BCAS3: variants seen among roughly 807,000 people sequenced by gnomAD.
The protein encoded by BCAS3 is BCAS4/BCAS3 fusion.
A neutral mutation model predicts 116.1 loss-of-function variants in BCAS3; 53 were observed. That is an observed-to-expected ratio of 0.46 (90% CI 0.37 to 0.57). BCAS3 has a LOEUF of 0.57. BCAS3 is among the 20% of genes least tolerant of loss of function. BCAS3 has a pLI of 0.00. For synonymous variants in BCAS3, 391 were observed against 408.2 expected (o/e 0.96, Z 0.51); for missense variants, 917 against 1,165.4 (o/e 0.79, Z 3.10).
rs1044817630 is a variant in BCAS3, at chr17:61,203,917, G to A, written c.2425+119353G>A. 6.6e-6 allele frequency among the ~76,000 whole-genome samples: 1 copy of A among 152,204 alleles called. No homozygotes were observed. The highest frequency in any genetic ancestry group is 1.5e-5 in the Non-Finnish European group (1 of 68,038). On this transcript the variant is annotated intron_variant, in intron 22 of 23. Coordinates refer to ENST00000407086, the MANE Select transcript of BCAS3 (RefSeq NM_017679.5). The surrounding 1 kb of genome is among the most constrained non-coding windows in gnomAD (Gnocchi z 5.7). ...GTGACAGAGGCAAAGGGCAGAGAAT[G>A]GAACCAAGAGATCATTCAAAATGGG...
intron 6 of BCAS3, among the ~76,000 whole-genome samples, chr17:60,779,955 AAAATATTC>A: frequency 1.3e-5 from 2 of 152,096 alleles, no homozygotes; most frequent in East Asian, 3.9e-4. Context: ...TATTTTTGGG[AAAATATTC>A]AAATATCTAA....
chr17:61,252,278 G>A (rs191612132), intron 22 of BCAS3, among the ~76,000 whole-genome samples: 20 of 152,330 alleles, frequency 1.3e-4, no homozygotes, highest in African/African-American at 4.8e-4. Context: ...AAAGCAATGT[G>A]GTAAGATTGT....
intron 14 of BCAS3, among the ~76,000 whole-genome samples, chr17:60,977,691 C>T (rs1229395327): frequency 6.7e-6 from 1 of 149,908 alleles, no homozygotes; most frequent in Non-Finnish European, 1.5e-5. Context: ...TGTGATGTTC[C>T]CCTTCCTGTG....
At chr17:60,807,376 A>G (rs910790825) in intron 6 of BCAS3, among the ~76,000 whole-genome samples, 2 of 152,190 alleles carry the variant, frequency 1.3e-5, no homozygotes, top group African/African-American at 2.4e-5. Flanking sequence ...TAGTTTCGAC[A>G]TCAATATTAT....
At position 61,388,691 on chromosome 17, in the gene BCAS3, C is replaced by A; in HGVS notation, c.2594-3286C>A. 1 of 1,550,302 alleles carries A rather than the reference C, an allele frequency of 6.5e-7. No homozygotes were observed. The highest frequency in any genetic ancestry group is 8.7e-7 in the Non-Finnish European group (1 of 1,155,712). On this transcript the variant is annotated intron_variant, in intron 23 of 23. Coordinates refer to ENST00000407086, the MANE Select transcript of BCAS3 (RefSeq NM_017679.5). This position sits in a 1 kb window ranked among gnomAD's most constrained non-coding sequence, Gnocchi z 6.5. Reference sequence around the variant, plus strand: ...AGCAACCCAACAGTAACAAAGCATGCGTTCGGGATGGAGGAAGGTAAGGCC... The same window carrying A: ...AGCAACCCAACAGTAACAAAGCATGAGTTCGGGATGGAGGAAGGTAAGGCC...
In BCAS3 at chr17:60,726,961, G is replaced by A. The variant is rs1454000894; in HGVS notation, c.321+17636G>A. ...TATCCTGTCAATTTTACTAGTTAGT[G>A]TTAGTCTTATTTTACACTTGAAAAA... On this transcript the variant is annotated intron_variant, in intron 5 of 23. Transcript: ENST00000407086. Among the ~76,000 whole-genome samples, 3 of 151,970 alleles carry A rather than the reference G, an allele frequency of 2.0e-5. No homozygotes were observed. The East Asian group carries it at 5.8e-4, about 29-fold the overall frequency.
At chr17:60,936,297 T>A in intron 13 of BCAS3, among the ~76,000 whole-genome samples, 1 of 148,222 alleles carries the variant, frequency 6.7e-6, no homozygotes, top group East Asian at 1.9e-4. Flanking sequence ...TTTGCTATTG[T>A]GAATAGTGCC....
chr17:60,970,775 GATGA>G (rs2061915746), intron 14 of BCAS3, among the ~76,000 whole-genome samples: 1 of 152,040 alleles, frequency 6.6e-6, no homozygotes, highest in African/African-American at 2.4e-5. Context: ...GAATTAATAG[GATGA>G]ATAATTCTAC....
At chr17:60,836,081 C>G (rs1375353255) in intron 7 of BCAS3, among the ~76,000 whole-genome samples, 1 of 152,016 alleles carries the variant, frequency 6.6e-6, no homozygotes, top group Non-Finnish European at 1.5e-5. Flanking sequence ...ACAGAAAGTT[C>G]CCACATATCT....
chr17:61,251,880 C>T lies in BCAS3; in HGVS notation c.2426-116447C>T, dbSNP rs1416456852. On this transcript the variant is annotated intron_variant, in intron 22 of 23. Coordinates refer to ENST00000407086, the MANE Select transcript of BCAS3 (RefSeq NM_017679.5). The surrounding 1 kb of genome is among the most constrained non-coding windows in gnomAD (Gnocchi z 4.7). ...TAGTGAGGTGGAGGTTGTAAAGAAG[C>T]TCTTTATAATGAAGATCCCAAATAT... is the stretch of plus-strand genomic sequence containing the variant. 6.6e-6 allele frequency among the ~76,000 whole-genome samples: 1 copy of T among 152,162 alleles called. No individual in the cohort carries two copies. The highest frequency in any genetic ancestry group is 1.5e-5 in the Non-Finnish European group (1 of 68,018).
intron 22 of BCAS3, among the ~76,000 whole-genome samples, chr17:61,284,754 C>G (rs1446285292): frequency 6.6e-6 from 1 of 151,820 alleles, no homozygotes; most frequent in East Asian, 1.9e-4. Flanking sequence ...AAGGCCATGC[C>G]AGTTGTTGCA....
chr17:61,038,127 T>C, intron 18 of BCAS3, 73 bp downstream of exon 18: 1 of 1,421,652 alleles, frequency 7.0e-7, no homozygotes, highest in South Asian at 1.4e-5. Flanking sequence ...TATAATTTGA[T>C]AAGTTTTGAC....
intron 22 of BCAS3, among the ~76,000 whole-genome samples, chr17:61,291,139 A>G (rs2052369667): frequency 6.6e-6 from 1 of 152,140 alleles, no homozygotes; most frequent in Non-Finnish European, 1.5e-5. Context: ...TTAGGGTTTC[A>G]CTTGTTTATT....
In BCAS3 at chr17:61,026,364, AC is replaced by A. The variant is rs1014755213; in HGVS notation, c.1638-8301del. Among the ~76,000 whole-genome samples the A allele has an allele frequency of 1.3e-5, 2 of 152,066 alleles. No individual in the cohort carries two copies. The highest frequency in any genetic ancestry group is 2.9e-5 in the Non-Finnish European group (2 of 67,946). On this transcript the variant is annotated intron_variant, in intron 16 of 23. Transcript: ENST00000407086. This position sits in a 1 kb window ranked among gnomAD's most constrained non-coding sequence, Gnocchi z 5.0. ...CCAACAATATACAATTCAACTTACG[AC>A]AAATAAGCAGCTTGAAAAATATGTG...
In BCAS3 at chr17:60,964,011, T is replaced by C. The variant is rs1378933015; in HGVS notation, c.1221+16659T>C. On this transcript the variant is annotated intron_variant, in intron 14 of 23. Transcript: ENST00000407086. The surrounding 1 kb of genome is among the most constrained non-coding windows in gnomAD (Gnocchi z 4.6). ...CTGATTTGAATTCTTCCTTTCCAATTTGGTTGCTCTTTATTTCTTTCTCTT... is the reference window on the plus strand; with the variant it reads ...CTGATTTGAATTCTTCCTTTCCAATCTGGTTGCTCTTTATTTCTTTCTCTT... 6.6e-6 allele frequency among the ~76,000 whole-genome samples: 1 copy of C among 152,216 alleles called. No individual in the cohort carries two copies. The highest frequency in any genetic ancestry group is 1.5e-5 in the Non-Finnish European group (1 of 68,048).
At chr17:61,358,869 A>T (rs933361394) in intron 22 of BCAS3, among the ~76,000 whole-genome samples, 1 of 152,122 alleles carries the variant, frequency 6.6e-6, no homozygotes, top group African/African-American at 2.4e-5. Context: ...CGAAACAGTC[A>T]ATCTCATTCC....
chr17:60,792,019 A>T (rs990839927), intron 6 of BCAS3, among the ~76,000 whole-genome samples: 3 of 152,206 alleles, frequency 2.0e-5, no homozygotes, highest in African/African-American at 7.2e-5. Context: ...GCTACTCAGG[A>T]GGCCGAGGCA....
chr17:60,926,858 A>G (rs1867249), intron 13 of BCAS3, among the ~76,000 whole-genome samples: 17,978 of 152,222 alleles, frequency 0.12, 3,561 homozygotes, highest in African/African-American at 0.41. Context: ...TACATTTGCC[A>G]TTTGATTTCT....
chr17:61,051,870 A>G lies in BCAS3; in HGVS notation c.2029+10978A>G, dbSNP rs2068889081. Among the ~76,000 whole-genome samples the G allele has an allele frequency of 6.6e-6, 1 of 152,240 alleles. No individual in the cohort carries two copies. Among genetic ancestry groups the G allele is most frequent in the South Asian group, 2.1e-4 (1 of 4,832 alleles). ...CTAATGTTTATATTATAAAGGGAAA[A>G]GATCTGAAATCAATGACCTCAGCTT... On this transcript the variant is annotated intron_variant, in intron 19 of 23. Transcript: ENST00000407086. The surrounding 1 kb of genome is among the most constrained non-coding windows in gnomAD (Gnocchi z 4.1).
Sources: allele counts gnomAD v4.1 joint callset (sites outside exome capture counted in the v4.1 genomes callset), GRCh38; gene constraint gnomAD v4.1.1; non-coding constraint Gnocchi (gnomAD v3.1); transcripts MANE v1.5; gene names NCBI Gene and HGNC (gene_info 2026-07-23, HGNC 2026-07-21).